ADGRL3: variants seen among roughly 807,000 people sequenced by gnomAD.
The protein encoded by ADGRL3 is calcium-independent alpha-latrotoxin receptor 3.
Under a neutral mutation model 153.5 loss-of-function variants are expected in ADGRL3, and 62 were observed. That is an observed-to-expected ratio of 0.40 (90% CI 0.33 to 0.50). The LOEUF (loss-of-function observed/expected upper bound fraction) is 0.50, where lower values mean the gene tolerates loss of function less well. ADGRL3 is among the 20% of genes least tolerant of loss of function. ADGRL3 has a pLI of 0.47. For missense variants in ADGRL3, 1,641 were observed against 1,859.4 expected (o/e 0.88, Z 2.16); for synonymous variants, 710 against 672.5 (o/e 1.06, Z -0.86).
At chr4:61,861,318 C>A (rs1269202038) in intron 9 of ADGRL3, among the ~76,000 whole-genome samples, 1 of 152,016 alleles carries the variant, frequency 6.6e-6, no homozygotes, top group African/African-American at 2.4e-5. Context: ...AATCAAATAA[C>A]CTGGGTTATT....
intron 5 of ADGRL3, among the ~76,000 whole-genome samples, chr4:61,630,047 G>C (rs933975125): frequency 6.6e-6 from 1 of 151,994 alleles, no homozygotes; most frequent in Non-Finnish European, 1.5e-5. Context: ...TATGTATTTT[G>C]CATGCACACT....
rs187551009 is a variant in ADGRL3, at chr4:61,732,226, C to G, written c.599-528C>G. On this transcript the variant is annotated intron_variant, in intron 7 of 26. Coordinates refer to ENST00000683033, the MANE Select transcript of ADGRL3 (RefSeq NM_001387552.1). ...GTGTGTGTTGTAGCAACGTTGAGAG[C>G]TTTTTTGCTAAAAGATTCAGTGGCC... is the stretch of plus-strand genomic sequence containing the variant. Among the ~76,000 whole-genome samples the G allele has an allele frequency of 1.9e-3, 283 of 152,012 alleles. 4 individuals carry two copies. The highest frequency in any genetic ancestry group is 8.9e-3 in the East Asian group (46 of 5,146).
At chr4:61,743,889 C>T (rs780205222) in intron 8 of ADGRL3, among the ~76,000 whole-genome samples, 3 of 152,140 alleles carry the variant, frequency 2.0e-5, no homozygotes, top group African/African-American at 4.8e-5. Context: ...ACACCGTGTG[C>T]GAGCCGAAGC....
intron 9 of ADGRL3, among the ~76,000 whole-genome samples, chr4:61,854,210 C>T (rs543834247): frequency 5.3e-5 from 8 of 152,242 alleles, no homozygotes; most frequent in African/African-American, 1.9e-4. Context: ...TTTCCTCCCT[C>T]GCAGAATTGA....
chr4:61,821,819 A>G (rs1053528887), intron 9 of ADGRL3, among the ~76,000 whole-genome samples: 3 of 152,338 alleles, frequency 2.0e-5, no homozygotes, highest in East Asian at 3.9e-4. Flanking sequence ...TATTCAGCAA[A>G]TCCACTCACT....
rs1179965843 is a variant in ADGRL3, at chr4:61,847,698, ATATAT to A, written c.1480+33815_1480+33819del. Among the ~76,000 whole-genome samples, 6 of 43,536 alleles carry A rather than the reference ATATAT, an allele frequency of 1.4e-4. 1 individual carries two copies. Among genetic ancestry groups the A allele is most frequent in the African/African-American group, 4.6e-4 (5 of 10,920 alleles). 28.6% of individuals were successfully genotyped at this position (43,536 alleles called of 152,430 possible). Reference sequence around the variant, plus strand: ...AAATATATTATATATATAATATAAAATATATTATATATATAATATAAAATATATTA... The same window carrying A: ...AAATATATTATATATATAATATAAAATATATATATAATATAAAATATATTA... On this transcript the variant is annotated intron_variant, in intron 9 of 26. Transcript: ENST00000683033.
chr4:61,598,725 A>G (rs1228155405), intron 5 of ADGRL3, among the ~76,000 whole-genome samples: 2 of 152,230 alleles, frequency 1.3e-5, no homozygotes, highest in Non-Finnish European at 2.9e-5. Context: ...TATTTGTAAA[A>G]TGCAAATTAA....
At chr4:61,842,188 T>G (rs1378755976) in intron 9 of ADGRL3, among the ~76,000 whole-genome samples, 1 of 152,134 alleles carries the variant, frequency 6.6e-6, no homozygotes, top group Non-Finnish European at 1.5e-5. Context: ...TGAAAATAAA[T>G]TAGGTCAAAA....
chr4:61,768,337 G>C (rs148735769), intron 8 of ADGRL3, among the ~76,000 whole-genome samples: 1 of 152,006 alleles, frequency 6.6e-6, no homozygotes, highest in Non-Finnish European at 1.5e-5. Flanking sequence ...TTGGCCTGTC[G>C]AGGAGGGGAG....
intron 1 of ADGRL3, among the ~76,000 whole-genome samples, chr4:61,374,554 T>C (rs1462024853): frequency 2.6e-5 from 4 of 152,240 alleles, no homozygotes; most frequent in Non-Finnish European, 5.9e-5. Context: ...TACTGAAGAT[T>C]TTCTGCTTGA....
At position 61,844,465 on chromosome 4, in the gene ADGRL3, TGAACCCAGGAGGCGGAGGTTCCA is replaced by T. The variant is rs1027322896; in HGVS notation, c.1480+30578_1480+30600del. On this transcript the variant is annotated intron_variant, in intron 9 of 26. Coordinates refer to ENST00000683033, the MANE Select transcript of ADGRL3 (RefSeq NM_001387552.1). ...GGGAGGCTGAAGCAGGAGAATCACT[TGAACCCAGGAGGCGGAGGTTCCA>T]GTGAGCCAAGATCATGCCATTGCAC... Among the ~76,000 whole-genome samples, 10 of 139,032 alleles carry T rather than the reference TGAACCCAGGAGGCGGAGGTTCCA, an allele frequency of 7.2e-5. No individual in the cohort carries two copies. The Admixed American group carries it at 7.6e-4, about 11-fold the overall frequency. The allele number at this position is 139,032 out of a possible 152,430, so 91.2% of individuals were successfully genotyped here.
At chr4:61,270,829 T>A (rs1415050116) in intron 1 of ADGRL3, among the ~76,000 whole-genome samples, 1 of 151,702 alleles carries the variant, frequency 6.6e-6, no homozygotes, top group Non-Finnish European at 1.5e-5. Context: ...TGTAATCATG[T>A]TGAGACTTCA....
intron 21 of ADGRL3, among the ~76,000 whole-genome samples, chr4:62,021,586 A>G (rs901603272): frequency 9.2e-5 from 14 of 152,130 alleles, no homozygotes; most frequent in African/African-American, 3.4e-4. Context: ...TACAAATTGT[A>G]AGTTTGTAGC....
intron 17 of ADGRL3, among the ~76,000 whole-genome samples, chr4:61,952,202 G>GT (rs1326277041): frequency 2.0e-5 from 3 of 152,058 alleles, no homozygotes; most frequent in Admixed American, 6.5e-5. Flanking sequence ...CAGACCAGGC[G>GT]TGGTGGCTTA....
chr4:61,341,618 G>A (rs2095810334), intron 1 of ADGRL3, among the ~76,000 whole-genome samples: 1 of 151,642 alleles, frequency 6.6e-6, no homozygotes. Context: ...TATGCAAAAT[G>A]TTCTCTTAGA....
chr4:61,881,250 C>T (rs1280627760), intron 9 of ADGRL3, among the ~76,000 whole-genome samples: 1 of 152,154 alleles, frequency 6.6e-6, no homozygotes, highest in East Asian at 1.9e-4. Context: ...TGTTTATTCT[C>T]TAAGCATCTG....
At chr4:61,810,879 C>G (rs1245681580) in intron 8 of ADGRL3, among the ~76,000 whole-genome samples, 2 of 152,092 alleles carry the variant, frequency 1.3e-5, no homozygotes, top group African/African-American at 2.4e-5. Flanking sequence ...TTTCTATACT[C>G]AGGGAGATTG....
At chr4:61,575,029 A>C (rs2149195130) in intron 4 of ADGRL3, among the ~76,000 whole-genome samples, 1 of 151,984 alleles carries the variant, frequency 6.6e-6, no homozygotes, top group African/African-American at 2.4e-5. Flanking sequence ...TAAAAATGTC[A>C]GTTGATTTTT....
chr4:61,405,926 AC>A (rs2096989342), intron 2 of ADGRL3, among the ~76,000 whole-genome samples: 2 of 152,002 alleles, frequency 1.3e-5, no homozygotes, highest in South Asian at 4.1e-4. Context: ...GCCAGATGTG[AC>A]TTATAGTTAC....
Sources: gnomAD v4.1 joint callset for allele counts (sites outside exome capture counted in the v4.1 genomes callset) on GRCh38, gnomAD v4.1.1 for gene constraint, MANE v1.5 for transcripts, NCBI Gene and HGNC (gene_info 2026-07-23, HGNC 2026-07-21) for gene names.